Variants in TP63 observed in about 807,000 individuals in gnomAD.
TP63 encodes tumor protein 63.
A neutral mutation model predicts 82.8 loss-of-function variants in TP63; 17 were observed. That is an observed-to-expected ratio of 0.21 (90% confidence interval 0.14 to 0.31). The LOEUF is 0.31. Among genes scored for constraint, TP63 ranks in the 10% least tolerant of loss-of-function variants. TP63 has a pLI of 1.00. For missense variants in TP63, 648 were observed against 895.3 expected (o/e 0.72, Z 3.52); for synonymous variants, 330 against 321.7 (o/e 1.03, Z -0.28).
intron 3 of TP63, among the ~76,000 whole-genome samples, chr3:189,773,259 T>G (rs1024789366): frequency 6.6e-6 from 1 of 152,238 alleles, no homozygotes; most frequent in Non-Finnish European, 1.5e-5. Flanking sequence ...TGTGTCAGAC[T>G]CATTCCTCTG....
At chr3:189,694,866 C>G (rs1274670314) in intron 1 of TP63, among the ~76,000 whole-genome samples, 5 of 111,036 alleles carry the variant, frequency 4.5e-5, no homozygotes, top group Non-Finnish European at 6.6e-5. Context: ...AGTGCAGTGG[C>G]GTGATCTTGG....
chr3:189,668,033 A>G (rs1714556722), intron 1 of TP63, among the ~76,000 whole-genome samples: 1 of 152,124 alleles, frequency 6.6e-6, no homozygotes, highest in Non-Finnish European at 1.5e-5. Flanking sequence ...ATTAAAGCGT[A>G]AAACTCAGCT....
intron 1 of TP63, among the ~76,000 whole-genome samples, chr3:189,667,234 G>A (rs1714479775): frequency 6.7e-6 from 1 of 149,588 alleles, no homozygotes; most frequent in Admixed American, 6.7e-5. Context: ...TAGTACAGTG[G>A]TGCAATCTCT....
the TP63 span, among the ~76,000 whole-genome samples, chr3:189,621,963 G>A: frequency 2.0e-5 from 3 of 152,142 alleles, no homozygotes; most frequent in African/African-American, 4.8e-5. Context: ...AATTTACCTC[G>A]TAGAAACTTG....
chr3:189,853,574 T>C (rs1715918246), intron 4 of TP63, among the ~76,000 whole-genome samples: 1 of 152,208 alleles, frequency 6.6e-6, no homozygotes, highest in South Asian at 2.1e-4. Flanking sequence ...TGAAGAATTC[T>C]TTCCTAACAA....
chr3:189,621,908 A>T, the TP63 span, among the ~76,000 whole-genome samples: 6 of 152,362 alleles, frequency 3.9e-5, no homozygotes, highest in East Asian at 1.2e-3. Flanking sequence ...AGTGAAGGTT[A>T]GTTGTGTTTT....
chr3:189,867,331 A>G lies in TP63; in HGVS notation c.883-502A>G, dbSNP rs1351908183. ...CGGCAACTCTCTCTCTCTAGGCTTCAGTTGCCTTACCCGTACGTATGTACT... is the reference window on the plus strand; with the variant it reads ...CGGCAACTCTCTCTCTCTAGGCTTCGGTTGCCTTACCCGTACGTATGTACT... On this transcript the variant is annotated intron_variant, in intron 6 of 13. Coordinates refer to ENST00000264731, the MANE Select transcript of TP63 (RefSeq NM_003722.5). Among the ~76,000 whole-genome samples, 31 of 152,300 alleles carry G rather than the reference A, an allele frequency of 2.0e-4. 1 individual carries two copies. The highest frequency in any genetic ancestry group is 2.1e-4 in the South Asian group (1 of 4,824).
intron 4 of TP63, among the ~76,000 whole-genome samples, chr3:189,816,240 T>C (rs1313828193): frequency 6.6e-6 from 1 of 152,214 alleles, no homozygotes; most frequent in Non-Finnish European, 1.5e-5. Flanking sequence ...ATAAGAACTT[T>C]TAATGACTCT....
chr3:189,875,865 C>CT (rs1719155749), intron 10 of TP63, among the ~76,000 whole-genome samples: 2 of 151,702 alleles, frequency 1.3e-5, no homozygotes, highest in East Asian at 2.0e-4. Flanking sequence ...GAACAGATAT[C>CT]TTTTTTGTCT....
chr3:189,658,596 G>A (rs546093613), intron 1 of TP63, among the ~76,000 whole-genome samples: 69 of 152,038 alleles, frequency 4.5e-4, no homozygotes, highest in African/African-American at 1.6e-3. Context: ...AATCCATAAC[G>A]CTAATTCTAA....
At chr3:189,804,590 G>A (rs904661520) in intron 3 of TP63, among the ~76,000 whole-genome samples, 3 of 152,090 alleles carry the variant, frequency 2.0e-5, no homozygotes, top group Non-Finnish European at 2.9e-5. Flanking sequence ...TAACACACGC[G>A]ATCTTTCTTT....
intron 4 of TP63, among the ~76,000 whole-genome samples, chr3:189,829,124 C>G (rs964565067): frequency 6.6e-6 from 1 of 152,156 alleles, no homozygotes; most frequent in Middle Eastern, 3.4e-3. Context: ...TTTACTGGTA[C>G]CCAAAGAAGG....
chr3:189,622,421 G>A, the TP63 span, among the ~76,000 whole-genome samples: 8 of 152,214 alleles, frequency 5.3e-5, no homozygotes, highest in Admixed American at 5.2e-4. Context: ...CCACTATCTG[G>A]CTGAATGATT....
intron 3 of TP63, among the ~76,000 whole-genome samples, chr3:189,758,349 G>A (rs1722338063): frequency 1.3e-5 from 2 of 152,192 alleles, no homozygotes; most frequent in South Asian, 4.1e-4. Context: ...ATTGGTACCA[G>A]TCCATGGAAT....
intron 1 of TP63, among the ~76,000 whole-genome samples, chr3:189,674,647 C>T (rs1715229060): frequency 1.3e-5 from 2 of 152,122 alleles, no homozygotes; most frequent in Non-Finnish European, 2.9e-5. Context: ...ATTAACTCCC[C>T]TAACTCTCTG....
chr3:189,732,578 G>A (rs1031575481), intron 1 of TP63, among the ~76,000 whole-genome samples: 2 of 152,198 alleles, frequency 1.3e-5, no homozygotes, highest in Non-Finnish European at 2.9e-5. Context: ...ACTACCAGGC[G>A]CTGTATGACA....
chr3:189,638,284 T>G (rs889966830), intron 1 of TP63, among the ~76,000 whole-genome samples: 2 of 152,060 alleles, frequency 1.3e-5, no homozygotes, highest in African/African-American at 4.8e-5. Context: ...TCCCATGAAT[T>G]TATTATTTTT....
At chr3:189,826,239 G>C (rs984835680) in intron 4 of TP63, among the ~76,000 whole-genome samples, 3 of 152,124 alleles carry the variant, frequency 2.0e-5, no homozygotes, top group Non-Finnish European at 4.4e-5. Context: ...CCTCTGACTT[G>C]GAAAATTCAA....
At chr3:189,637,491 A>G (rs1222358658) in intron 1 of TP63, among the ~76,000 whole-genome samples, 2 of 152,082 alleles carry the variant, frequency 1.3e-5, no homozygotes, top group Non-Finnish European at 2.9e-5. Flanking sequence ...CAGTTCTTAT[A>G]CTTTAGAATT....
Sources: allele counts gnomAD v4.1 joint callset (sites outside exome capture counted in the v4.1 genomes callset), GRCh38; gene constraint gnomAD v4.1.1; transcripts MANE v1.5; gene names NCBI Gene and HGNC (gene_info 2026-07-23, HGNC 2026-07-21).